Variants in RABGAP1 observed in about 807,000 individuals in gnomAD.
RABGAP1 encodes RAB GTPase activating protein 1, also known as rab GTPase-activating protein 1.
A neutral mutation model predicts 137.6 loss-of-function variants in RABGAP1; 23 were observed. The ratio of observed to expected loss-of-function variants is 0.17; its 90% CI spans 0.12 to 0.24. The LOEUF (loss-of-function observed/expected upper bound fraction) is 0.24, where lower values mean the gene tolerates loss of function less well. Ranked by LOEUF, RABGAP1 falls within the 10% of genes least tolerant of loss-of-function variation. The pLI, the probability that RABGAP1 is intolerant of heterozygous loss-of-function variation, is 1.00. For synonymous variants in RABGAP1, 451 were observed against 450.7 expected (o/e 1.00, Z -0.01); for missense variants, 906 against 1,275.8 (o/e 0.71, Z 4.42).
At chr9:123,079,301 G>A (rs1286398328) in intron 19 of RABGAP1, among the ~76,000 whole-genome samples, 7 of 147,444 alleles carry the variant, frequency 4.7e-5, no homozygotes, top group South Asian at 4.4e-4. Context: ...GTGCAGTGGC[G>A]CAATCTCAGC....
At chr9:123,051,231 T>G (rs1013556185) in intron 13 of RABGAP1, among the ~76,000 whole-genome samples, 70 of 55,192 alleles carry the variant, frequency 1.3e-3, no homozygotes, top group South Asian at 2.2e-3. Flanking sequence ...TTTTTTTTTT[T>G]TTTTTTTTTT....
intron 13 of RABGAP1, among the ~76,000 whole-genome samples, chr9:123,023,347 A>G (rs1266653674): frequency 6.6e-6 from 1 of 152,062 alleles, no homozygotes; most frequent in Non-Finnish European, 1.5e-5. Context: ...AGCCTGCCTA[A>G]TTTTTGTATT....
intron 13 of RABGAP1, among the ~76,000 whole-genome samples, chr9:123,050,799 C>T (rs1025595670): frequency 1.3e-5 from 2 of 151,780 alleles, no homozygotes; most frequent in African/African-American, 2.4e-5. Flanking sequence ...TCCTGAAGGC[C>T]GAAGCAAAAA....
chr9:122,989,595 G>A, intron 5 of RABGAP1, 124 bp downstream of exon 5: 2 of 1,134,174 alleles, frequency 1.8e-6, no homozygotes, highest in Non-Finnish European at 2.5e-6. Flanking sequence ...TATTGTTTTA[G>A]TGATTCTAGC....
At chr9:122,960,598 G>A (rs1253693457) in intron 2 of RABGAP1, among the ~76,000 whole-genome samples, 1 of 152,168 alleles carries the variant, frequency 6.6e-6, no homozygotes, top group Non-Finnish European at 1.5e-5. Context: ...CAAGTATCTA[G>A]TTTCTAACCA....
intron 13 of RABGAP1, chr9:123,034,329 C>T: frequency 1.8e-6 from 1 of 541,706 alleles, no homozygotes; most frequent in Non-Finnish European, 3.2e-6. Flanking sequence ...GGCACTATGG[C>T]CGCGTCTGGG....
At chr9:123,047,746 C>T (rs2033268788) in intron 13 of RABGAP1, among the ~76,000 whole-genome samples, 1 of 151,714 alleles carries the variant, frequency 6.6e-6, no homozygotes, top group East Asian at 1.9e-4. Context: ...GAATATATAC[C>T]TGTAGCCTTT....
At chr9:123,005,056 C>CAAAAAAA (rs11421673) in intron 10 of RABGAP1, among the ~76,000 whole-genome samples, 2 of 93,854 alleles carry the variant, frequency 2.1e-5, no homozygotes, top group African/African-American at 3.7e-5. Context: ...AACTCCATCT[C>CAAAAAAA]AAAAAAAAAA....
chr9:123,090,696 T>C (rs2035007784), intron 21 of RABGAP1, among the ~76,000 whole-genome samples: 1 of 152,250 alleles, frequency 6.6e-6, no homozygotes, highest in African/African-American at 2.4e-5. Flanking sequence ...ATTTAATCAT[T>C]ATAATTACGT....
At chr9:122,980,505 G>A (rs1164224413) in intron 2 of RABGAP1, among the ~76,000 whole-genome samples, 1 of 152,156 alleles carries the variant, frequency 6.6e-6, no homozygotes, top group Non-Finnish European at 1.5e-5. Context: ...AGAGAGAAAG[G>A]GGGTGACACC....
chr9:122,967,584 T>A (rs1344024530), intron 2 of RABGAP1, among the ~76,000 whole-genome samples: 2 of 152,202 alleles, frequency 1.3e-5, no homozygotes, highest in Non-Finnish European at 2.9e-5. Flanking sequence ...CCTTTTGGAT[T>A]TCCTCCATTT....
chr9:123,025,255 T>G (rs2031886696), intron 13 of RABGAP1, among the ~76,000 whole-genome samples: 1 of 152,234 alleles, frequency 6.6e-6, no homozygotes, highest in Non-Finnish European at 1.5e-5. Context: ...ATTATTTGTT[T>G]GCATATTCCT....
At chr9:123,002,073 T>G (rs7875243) in intron 10 of RABGAP1, among the ~76,000 whole-genome samples, 41 of 152,214 alleles carry the variant, frequency 2.7e-4, no homozygotes, top group African/African-American at 7.2e-4. Flanking sequence ...AGGCCGAGGC[T>G]GGCGGATCAC....
intron 19 of RABGAP1, among the ~76,000 whole-genome samples, chr9:123,077,164 G>GTTTTTTTTTTTT (rs57474987): frequency 8.0e-6 from 1 of 124,426 alleles, no homozygotes; most frequent in Non-Finnish European, 1.6e-5. Flanking sequence ...TTTTGTTTTT[G>GTTTTTTTTTTTT]TTTTTTTTTT....
chr9:122,935,386 G>A, the RABGAP1 span, among the ~76,000 whole-genome samples: 6 of 151,862 alleles, frequency 4.0e-5, no homozygotes, highest in African/African-American at 1.5e-4. Flanking sequence ...CACCCAGGCT[G>A]GAGTGCAATG....
chr9:123,045,394 AT>A (rs2132037673), intron 13 of RABGAP1, among the ~76,000 whole-genome samples: 1 of 152,196 alleles, frequency 6.6e-6, no homozygotes, highest in South Asian at 2.1e-4. Flanking sequence ...GCCTTTTTTC[AT>A]TTATAAAAGT....
At chr9:122,952,100 T>C (rs1834283360) in intron 1 of RABGAP1, among the ~76,000 whole-genome samples, 1 of 152,136 alleles carries the variant, frequency 6.6e-6, no homozygotes, top group African/African-American at 2.4e-5. Flanking sequence ...ATAATTGAAC[T>C]TTTAGGTGTG....
chr9:122,952,773 T>A (rs1397108693), intron 1 of RABGAP1, among the ~76,000 whole-genome samples: 2 of 152,194 alleles, frequency 1.3e-5, no homozygotes, highest in Non-Finnish European at 2.9e-5. Flanking sequence ...TCCACCAACC[T>A]GCCCTGTTGG....
chr9:122,998,191 C>G (rs1382451240), intron 9 of RABGAP1, among the ~76,000 whole-genome samples: 2 of 152,060 alleles, frequency 1.3e-5, no homozygotes, highest in Non-Finnish European at 2.9e-5. Context: ...CCTGCACCTC[C>G]CGGGTTTAAG....
Sources: gnomAD v4.1 joint callset for allele counts (sites outside exome capture counted in the v4.1 genomes callset) on GRCh38, gnomAD v4.1.1 for gene constraint, MANE v1.5 for transcripts, NCBI Gene and HGNC (gene_info 2026-07-23, HGNC 2026-07-21) for gene names.